CHD9: variants seen among roughly 807,000 people sequenced by gnomAD.
The protein encoded by CHD9 is chromodomain helicase DNA binding protein 9.
Under a neutral mutation model 316.1 loss-of-function variants are expected in CHD9, and 77 were observed. The ratio of observed to expected loss-of-function variants is 0.24; its 90% CI spans 0.20 to 0.29. The LOEUF is 0.29. CHD9 is among the 10% of genes least tolerant of loss of function. CHD9 has a pLI of 1.00. For missense variants in CHD9, 2,763 were observed against 3,438.1 expected, an observed-to-expected ratio of 0.80 and a Z score of 4.91; for synonymous variants, 1,129 against 1,158.3, an observed-to-expected ratio of 0.97 and a Z score of 0.51.
chr16:53,216,737 T>C (rs1321695585), intron 3 of CHD9, among the ~76,000 whole-genome samples: 1 of 152,202 alleles, frequency 6.6e-6, no homozygotes, highest in Non-Finnish European at 1.5e-5. Flanking sequence ...TAATTTTTAC[T>C]CTCCGAGCCA....
intron 2 of CHD9, among the ~76,000 whole-genome samples, chr16:53,199,861 A>C (rs2152844800): frequency 1.3e-5 from 2 of 152,344 alleles, no homozygotes; most frequent in East Asian, 3.9e-4. Flanking sequence ...ACAGGAACCA[A>C]CTTGAAGGAG....
rs772141382 is a variant in CHD9 at position 53,297,120 on chromosome 16, C to A, written c.5675C>A (p.Ser1892Tyr). The A allele has an allele frequency of 1.9e-6, 3 of 1,613,780 alleles. No individual in the cohort carries two copies. Among genetic ancestry groups the A allele is most frequent in the East Asian group, 4.5e-5 (2 of 44,860 alleles). Residue 1892 changes from serine (S) to tyrosine (Y), a missense_variant, in exon 30 of 39, where the codon TCC (serine) becomes TAC (tyrosine). Coordinates refer to ENST00000447540, the MANE Select transcript of CHD9 (RefSeq NM_001308319.2). ...GAAAAATATTTGTACGCATTCATGTCCATGTGTCGGAGGGTTTGTCGTCTT... is the reference window on the plus strand; with the variant it reads ...GAAAAATATTTGTACGCATTCATGTACATGTGTCGGAGGGTTTGTCGTCTT... ...SLEKYLYAFM[S>Y]MCRRVCRLPS...
rs374132613 is a variant in CHD9 at position 53,285,627 on chromosome 16, C to G, written c.4999C>G (p.His1667Asp). Residue 1667 changes from histidine (H) to aspartate (D), a missense_variant, in exon 25 of 39, where the codon CAC becomes GAC. Transcript: ENST00000447540. ...DIDVWVPEPD[H>D]SEVPAEWWDF... ...TGATGTTTGGGTACCAGAACCAGAC[C>G]ACTCAGAAGTTCCTGCTGAGTGGTG... 1 of 1,605,294 alleles carries G rather than the reference C, an allele frequency of 6.2e-7. No homozygotes were observed. The highest frequency in any genetic ancestry group is 8.5e-7 in the Non-Finnish European group (1 of 1,175,288).
chr16:53,254,648 T>A (rs764379367), intron 18 of CHD9, 43 bp downstream of exon 18: 2 of 1,538,384 alleles, frequency 1.3e-6, no homozygotes, highest in South Asian at 2.6e-5. Flanking sequence ...TGTGTGTTTT[T>A]GCATTTGATT....
rs1353607410 is a variant in CHD9, at chr16:53,162,088, G to A, written c.1452+4547G>A. Among the ~76,000 whole-genome samples, 3 of 152,286 alleles carry A rather than the reference G, an allele frequency of 2.0e-5. No homozygotes were observed. In the East Asian group the frequency reaches 5.8e-4, roughly 29 times the overall value. On this transcript the variant is annotated intron_variant, in intron 2 of 38. Coordinates refer to ENST00000447540, the MANE Select transcript of CHD9 (RefSeq NM_001308319.2). The stretch of plus-strand genomic sequence containing the variant: ...TTAAATTTCCCAACTATAGTGGGGT[G>A]ATTGTAGATATCACTTCAAATATCT...
chr16:53,104,996 C>CA (rs397933483), intron 1 of CHD9, among the ~76,000 whole-genome samples: 1 of 81,490 alleles, frequency 1.2e-5, no homozygotes, highest in Non-Finnish European at 3.9e-5. Flanking sequence ...TAAAAAAAAA[C>CA]AAAAAAACAA....
In CHD9 at chr16:53,303,950, A is replaced by G; in HGVS notation, c.5944A>G (p.Thr1982Ala). The change falls in exon 31 of 39, where the codon ACA (threonine) becomes GCA (alanine). Residue 1982 changes from threonine (T) to alanine (A), a missense_variant. Thr to Ala is a moderately conservative substitution (Grantham distance 58). Coordinates refer to ENST00000447540, the MANE Select transcript of CHD9 (RefSeq NM_001308319.2). ...IGAAKHGVSRTDYHILRDPEL... is the reference protein window; with the variant it reads ...IGAAKHGVSRADYHILRDPEL... ...TGCTGCCAAACACGGGGTGAGCCGA[A>G]CAGACTATCACATTCTTCGTGATCC... 1 of 1,614,046 alleles carries G rather than the reference A, an allele frequency of 6.2e-7. No homozygotes were observed. The highest frequency in any genetic ancestry group is 8.5e-7 in the Non-Finnish European group (1 of 1,179,900).
intron 26 of CHD9, among the ~76,000 whole-genome samples, chr16:53,286,854 A>G (rs1333365490): frequency 2.0e-5 from 3 of 152,200 alleles, no homozygotes; most frequent in Non-Finnish European, 2.9e-5. Flanking sequence ...TATAATTCAT[A>G]GTACAATATA....
chr16:53,108,853 C>T (rs1010499688), intron 1 of CHD9, among the ~76,000 whole-genome samples: 4 of 151,708 alleles, frequency 2.6e-5, no homozygotes, highest in African/African-American at 9.7e-5. Context: ...GAGATCGATC[C>T]ATTGCACTCC....
At chr16:53,193,456 GAA>G (rs139226781) in intron 2 of CHD9, among the ~76,000 whole-genome samples, 5 of 147,664 alleles carry the variant, frequency 3.4e-5, no homozygotes, top group East Asian at 2.0e-4. Context: ...CCCAAAATAA[GAA>G]AAAAAAAAAT....
At position 53,177,414 on chromosome 16, in the gene CHD9, C is replaced by G. The variant is rs141318330; in HGVS notation, c.1452+19873C>G. On this transcript the variant is annotated intron_variant, in intron 2 of 38. Coordinates refer to ENST00000447540, the MANE Select transcript of CHD9 (RefSeq NM_001308319.2). ...CGTCTGGATCTGAAAGGGAAAAAAA[C>G]GAAAAAGACATGATTTGATCCAGTA... Among the ~76,000 whole-genome samples the G allele has an allele frequency of 9.6e-4, 146 of 152,054 alleles. 1 individual carries two copies. The highest frequency in any genetic ancestry group is 3.1e-3 in the African/African-American group (127 of 41,490).
intron 1 of CHD9, among the ~76,000 whole-genome samples, chr16:53,132,951 G>C (rs1193773042): frequency 6.6e-6 from 1 of 151,966 alleles, no homozygotes; most frequent in Non-Finnish European, 1.5e-5. Context: ...TGGGATTACA[G>C]GTGCGCGCCA....
chr16:53,140,486 A>G (rs1271810710), intron 1 of CHD9, among the ~76,000 whole-genome samples: 1 of 152,080 alleles, frequency 6.6e-6, no homozygotes, highest in Admixed American at 6.6e-5. Context: ...CACTTCAGTT[A>G]AACAACTAGA....
chr16:53,239,628 G>A (rs2048922037), intron 12 of CHD9, among the ~76,000 whole-genome samples: 1 of 152,188 alleles, frequency 6.6e-6, no homozygotes, highest in East Asian at 1.9e-4. Flanking sequence ...TGTTCTAAAA[G>A]GATCATTATT....
chr16:53,267,642 A>G (rs1392097538), intron 21 of CHD9, among the ~76,000 whole-genome samples, 152 bp downstream of exon 21: 1 of 152,208 alleles, frequency 6.6e-6, no homozygotes, highest in African/African-American at 2.4e-5. Flanking sequence ...TAAGAGCAGA[A>G]TGATGAGATT....
At position 53,314,476 on chromosome 16, in the gene CHD9, T is replaced by C. The variant is rs747576611; in HGVS notation, c.7322T>C (p.Val2441Ala). 1.3e-6 allele frequency: 2 copies of C among 1,581,694 alleles called. No homozygotes were observed. Among genetic ancestry groups the C allele is most frequent in the African/African-American group, 2.7e-5 (2 of 74,246 alleles). ...GGAAGGAGGAAGAATGTAGAAGGTG[T>C]TGACATCTTCTTTTTTAACAGAAAT... is the stretch of plus-strand genomic sequence containing the variant. ...RRGRRKNVEG[V>A]DIFFFNRNKP... Residue 2441 changes from valine (V) to alanine (A), a missense_variant, in exon 35 of 39, where the codon GTT (valine) becomes GCT (alanine). By Grantham distance (64) the Val-to-Ala change is moderately conservative (BLOSUM62 0). Coordinates refer to ENST00000447540, the MANE Select transcript of CHD9 (RefSeq NM_001308319.2).
intron 18 of CHD9, among the ~76,000 whole-genome samples, chr16:53,254,919 A>G (rs934905103): frequency 1.3e-5 from 2 of 152,192 alleles, no homozygotes; most frequent in Non-Finnish European, 2.9e-5. Flanking sequence ...TTCTTTTTTT[A>G]GTGTCAATCT....
At chr16:53,238,683 A>T in intron 12 of CHD9, 97 bp downstream of exon 12, 1 of 1,207,712 alleles carries the variant, frequency 8.3e-7, no homozygotes, top group Non-Finnish European at 1.2e-6. Flanking sequence ...ATACATTTTA[A>T]TTGCCTACCT....
intron 1 of CHD9, among the ~76,000 whole-genome samples, chr16:53,139,931 C>T (rs532112979): frequency 6.6e-6 from 1 of 151,130 alleles, no homozygotes. Flanking sequence ...AACCCTGGCT[C>T]TACAAAAAAA....
Sources: gnomAD v4.1 joint callset for allele counts (sites outside exome capture counted in the v4.1 genomes callset) on GRCh38, gnomAD v4.1.1 for gene constraint, MANE v1.5 for transcripts, NCBI Gene and HGNC (gene_info 2026-07-23, HGNC 2026-07-21) for gene names.